TBCK: variants seen among roughly 807,000 people sequenced by gnomAD.
TBCK encodes the protein TBC domain-containing protein kinase-like protein.
Under a neutral mutation model 113.4 loss-of-function variants are expected in TBCK, and 99 were observed. The observed-to-expected ratio is 0.87, with a 90% confidence interval of 0.74 to 1.03. The LOEUF is 1.03. Among genes scored for constraint, TBCK ranks in the 50% least tolerant of loss-of-function variants. The pLI, the probability that TBCK is intolerant of heterozygous loss-of-function variation, is 0.00. For missense variants in TBCK, 1,045 were observed against 1,061.3 expected (o/e 0.98, Z 0.21); for synonymous variants, 369 against 370.8 (o/e 1.00, Z 0.05).
rs960929801 is a variant in TBCK, at chr4:106,099,492, C to T, written c.2412-3851G>A. Among the ~76,000 whole-genome samples the T allele has an allele frequency of 8.6e-5, 13 of 151,968 alleles. No homozygotes were observed. The South Asian group carries it at 2.5e-3, about 29-fold the overall frequency. On this transcript the variant is annotated intron_variant, in intron 24 of 25. Coordinates refer to ENST00000394708, the MANE Select transcript of TBCK (RefSeq NM_001163435.3). ...AGTTTTACCTTTAGTATATCAACAG[C>T]GAAAAAGAAATATGAAATTAAACCC...
chr4:106,306,568 A>G (rs991342073), intron 2 of TBCK, among the ~76,000 whole-genome samples: 1 of 151,956 alleles, frequency 6.6e-6, no homozygotes, highest in Non-Finnish European at 1.5e-5. Flanking sequence ...TCATTTTTGT[A>G]TATTTGGCAT....
chr4:106,264,679 CT>C (rs1481731889), intron 3 of TBCK, among the ~76,000 whole-genome samples: 1 of 151,922 alleles, frequency 6.6e-6, no homozygotes, highest in Admixed American at 6.6e-5. Context: ...GAGAAAATGT[CT>C]CAGTCATCAA....
rs192537413 is a variant in TBCK, at chr4:106,072,596, G to A, written c.2571+22886C>T. Among the ~76,000 whole-genome samples the A allele has an allele frequency of 1.5e-4, 23 of 152,210 alleles. No individual in the cohort carries two copies. In the East Asian group the frequency reaches 4.2e-3, roughly 28 times the overall value. On this transcript the variant is annotated intron_variant, in intron 25 of 25. Transcript: ENST00000394708. ...GTGTTGGGGTTGCTCTTCTCAAGGA[G>A]TATGTTTGTAGTGTTCTCTGTATCT... is the stretch of plus-strand genomic sequence containing the variant.
At chr4:106,236,340 A>C (rs1759453570) in intron 14 of TBCK, 50 bp downstream of exon 14, 2 of 1,315,098 alleles carry the variant, frequency 1.5e-6, no homozygotes, top group Non-Finnish European at 2.0e-6. Flanking sequence ...AAAATTAAAA[A>C]AAAATTCCAT....
intron 19 of TBCK, among the ~76,000 whole-genome samples, chr4:106,220,201 TA>T (rs748787427): frequency 9.9e-5 from 15 of 152,162 alleles, no homozygotes; most frequent in Non-Finnish European, 1.9e-4. Flanking sequence ...CGGGGTGTGG[TA>T]ATTGAATCAT....
chr4:106,313,860 A>C (rs745780321), intron 1 of TBCK, among the ~76,000 whole-genome samples: 1 of 152,242 alleles, frequency 6.6e-6, no homozygotes, highest in Non-Finnish European at 1.5e-5. Flanking sequence ...GTTAAAAACT[A>C]TGTATTACAT....
chr4:106,243,294 A>T (rs1760381583), intron 11 of TBCK, among the ~76,000 whole-genome samples: 1 of 152,134 alleles, frequency 6.6e-6, no homozygotes, highest in South Asian at 2.1e-4. Flanking sequence ...ACATTAACTC[A>T]ATGTGTTCCC....
chr4:106,175,481 C>G (rs762674071), intron 22 of TBCK, among the ~76,000 whole-genome samples: 1 of 151,230 alleles, frequency 6.6e-6, no homozygotes, highest in Non-Finnish European at 1.5e-5. Context: ...CTTCTGGGAA[C>G]ATTGAGTTTT....
At chr4:106,055,481 G>A (rs983126474) in intron 25 of TBCK, among the ~76,000 whole-genome samples, 2 of 150,928 alleles carry the variant, frequency 1.3e-5, no homozygotes, top group Admixed American at 6.6e-5. Flanking sequence ...TTTTTCCTAT[G>A]GTGCATAACA....
At chr4:106,271,030 AAT>A (rs1053656440) in intron 3 of TBCK, among the ~76,000 whole-genome samples, 1 of 152,164 alleles carries the variant, frequency 6.6e-6, no homozygotes, top group Non-Finnish European at 1.5e-5. Flanking sequence ...AAAGCAAAAT[AAT>A]ACTTTAATAG....
chr4:106,187,800 AT>A (rs1338069514), intron 22 of TBCK, among the ~76,000 whole-genome samples: 2 of 152,150 alleles, frequency 1.3e-5, no homozygotes, highest in African/African-American at 4.8e-5. Flanking sequence ...TAAGTAATGT[AT>A]TTTTTTATTG....
At chr4:106,130,848 A>G (rs1372211767) in intron 23 of TBCK, among the ~76,000 whole-genome samples, 8 of 152,238 alleles carry the variant, frequency 5.3e-5, no homozygotes, top group African/African-American at 1.9e-4. Flanking sequence ...TTCTGATGAA[A>G]TGTTTACAGC....
chr4:106,237,994 ATT>A (rs962390870), intron 12 of TBCK, among the ~76,000 whole-genome samples: 2 of 152,086 alleles, frequency 1.3e-5, no homozygotes, highest in African/African-American at 4.8e-5. Context: ...TTTCCATATC[ATT>A]TTAAGATTCA....
chr4:106,242,157 G>A (rs1760215347), intron 12 of TBCK, among the ~76,000 whole-genome samples: 1 of 152,092 alleles, frequency 6.6e-6, no homozygotes, highest in South Asian at 2.1e-4. Context: ...TAGTATTACA[G>A]CAAAATACCT....
chr4:106,271,788 C>T (rs1240731560), intron 3 of TBCK, among the ~76,000 whole-genome samples: 1 of 150,716 alleles, frequency 6.6e-6, no homozygotes, highest in South Asian at 2.1e-4. Flanking sequence ...AACAACTGTT[C>T]TTAAGTTGTA....
At chr4:106,278,912 A>AATAAAATG (rs1409968130) in intron 3 of TBCK, among the ~76,000 whole-genome samples, 1 of 151,666 alleles carries the variant, frequency 6.6e-6, no homozygotes, top group African/African-American at 2.4e-5. Context: ...TAAAAGACAA[A>AATAAAATG]ATAAAATGAA....
At chr4:106,109,452 G>A (rs1410183783) in intron 24 of TBCK, among the ~76,000 whole-genome samples, 1 of 152,062 alleles carries the variant, frequency 6.6e-6, no homozygotes, top group Non-Finnish European at 1.5e-5. Context: ...ACAGAATAGA[G>A]AGCCTAGAAA....
chr4:106,161,137 C>A (rs1749739452), intron 23 of TBCK, among the ~76,000 whole-genome samples: 1 of 152,066 alleles, frequency 6.6e-6, no homozygotes, highest in East Asian at 1.9e-4. Context: ...GGTTGCACAA[C>A]ATTATGAATG....
intron 3 of TBCK, among the ~76,000 whole-genome samples, chr4:106,288,807 A>G (rs145200363): frequency 3.2e-4 from 48 of 152,370 alleles, no homozygotes; most frequent in African/African-American, 1.1e-3. Context: ...TTGGGCAACA[A>G]TATGATACCA....
Sources: allele counts gnomAD v4.1 joint callset (sites outside exome capture counted in the v4.1 genomes callset), GRCh38; gene constraint gnomAD v4.1.1; transcripts MANE v1.5; gene names NCBI Gene and HGNC (gene_info 2026-07-23, HGNC 2026-07-21).